TBXA2R: variants seen among roughly 807,000 people sequenced by gnomAD.
TBXA2R encodes the protein thromboxane A2 receptor, also known as prostanoid TP receptor.
A neutral mutation model predicts 15.6 loss-of-function variants in TBXA2R; 15 were observed. The ratio of observed to expected loss-of-function variants is 0.96; its 90% CI spans 0.64 to 1.48. The LOEUF is 1.48. Ranked by LOEUF, TBXA2R falls within the 40% of genes most tolerant of loss-of-function variation. TBXA2R has a pLI of 0.00. For synonymous variants in TBXA2R, 280 were observed against 241.2 expected (o/e 1.16, Z -1.49); for missense variants, 506 against 491.4 (o/e 1.03, Z -0.28).
At chr19:3,605,920 C>T (rs116020452) in intron 1 of TBXA2R, among the ~76,000 whole-genome samples, 1 of 142,224 alleles carries the variant, frequency 7.0e-6, no homozygotes, top group Admixed American at 6.9e-5. Context: ...CACACAGATA[C>T]ACACATAGGC....
chr19:3,600,253 A>G lies in TBXA2R; in HGVS notation c.382T>C (p.Ser128Pro). ...CGGGTGATACCCAGGTAGCGCTCTG[A>G]GGCCATGGCGGCCCCCAGCAGCAGC... ...SPLLLGAAMA[S>P]ERYLGITRPF... Residue 128 changes from serine to proline, a missense_variant, in exon 2 of 3, where the codon TCA (serine) becomes CCA (proline). Coordinates refer to ENST00000375190, the MANE Select transcript of TBXA2R (RefSeq NM_001060.6). 2 of 1,612,088 alleles carry G rather than the reference A, an allele frequency of 1.2e-6. No individual in the cohort carries two copies. Among genetic ancestry groups the G allele is most frequent in the South Asian group, 1.1e-5 (1 of 91,074 alleles).
Position 3,600,578 on chromosome 19 carries a change from C to T in TBXA2R, c.57G>A (p.Leu19=). The part of the protein sequence containing the change: ...GPCFRPTNIT[L]EERRLIASPW... ...GCGAGGCGATCAGCCGTCTCTCCTC[C>T]AGGGTAATGTTTGTGGGCCGGAAAC... The change falls in exon 2 of 3, where the codon CTG becomes CTA. Residue 19 remains leucine, a synonymous_variant. Transcript: ENST00000375190. 1.2e-6 allele frequency: 2 copies of T among 1,612,472 alleles called. No homozygotes were observed. Among genetic ancestry groups the T allele is most frequent in the Non-Finnish European group, 1.7e-6 (2 of 1,179,468 alleles).
At chr19:3,604,093 C>A (rs568968460) in intron 1 of TBXA2R, among the ~76,000 whole-genome samples, 2 of 152,110 alleles carry the variant, frequency 1.3e-5, no homozygotes, top group African/African-American at 4.8e-5. Flanking sequence ...AATTCTAACA[C>A]GCTTCCAGTC....
Position 3,600,428 on chromosome 19 carries a change from G to T in TBXA2R, c.207C>A (p.Gly69=), listed in dbSNP as rs1368204245. 1.2e-6 allele frequency: 2 copies of T among 1,613,338 alleles called. No homozygotes were observed. Among genetic ancestry groups the T allele is most frequent in the East Asian group, 4.5e-5 (2 of 44,874 alleles). The change falls in exon 2 of 3, where the codon GGC becomes GGA. Residue 69 remains glycine, a synonymous_variant. Coordinates refer to ENST00000375190, the MANE Select transcript of TBXA2R (RefSeq NM_001060.6). ...TRSSFLTFLC[G]LVLTDFLGLL... The stretch of plus-strand genomic sequence containing the variant: ...GCCCCAGGAAGTCGGTGAGGACGAG[G>T]CCGCAGAGGAAGGTGAGGAAGGAGG...
In TBXA2R at chr19:3,595,637, A is replaced by G; in HGVS notation, c.*51T>C. 2 of 1,518,650 alleles carry G rather than the reference A, an allele frequency of 1.3e-6. No individual in the cohort carries two copies. Among genetic ancestry groups the G allele is most frequent in the African/African-American group, 1.4e-5 (1 of 73,186 alleles). 94.1% of individuals were successfully genotyped at this position (1,518,650 alleles called of 1,614,324 possible). On this transcript the variant is annotated 3_prime_UTR_variant, in exon 3 of 3. Transcript: ENST00000375190. ...TCAGAACAGGCAGATGGGCTGTCCG[A>G]GGGGCCAAGGGCTCCGCGGAAAGGC...
intron 2 of TBXA2R, among the ~76,000 whole-genome samples, chr19:3,598,859 G>A (rs141763987): frequency 0.019 from 2,866 of 152,036 alleles, 84 homozygotes; most frequent in African/African-American, 0.066. Flanking sequence ...TAGTAGAGAC[G>A]GGGTTTCACC....
At position 3,594,941 on chromosome 19, in the gene TBXA2R, G is replaced by A. The variant is rs201478687; in HGVS notation, c.*747C>T. 108 of 1,536,150 alleles carry A rather than the reference G, an allele frequency of 7.0e-5. No homozygotes were observed. The highest frequency in any genetic ancestry group is 6.9e-4 in the South Asian group (58 of 84,064). ...GGTCAAAGAGCATGCAAGGCCGGGC[G>A]CAGTGGCTTACGCCTGTAATCCCAG... On this transcript the variant is annotated 3_prime_UTR_variant, in exon 3 of 3. Coordinates refer to ENST00000375190, the MANE Select transcript of TBXA2R (RefSeq NM_001060.6).
chr19:3,605,601 T>C (rs1203757875), intron 1 of TBXA2R, among the ~76,000 whole-genome samples: 1 of 134,224 alleles, frequency 7.5e-6, no homozygotes, highest in Non-Finnish European at 1.6e-5. Context: ...CACACACAGA[T>C]AGACACACAC....
Position 3,599,955 on chromosome 19 carries a change from T to C in TBXA2R, c.680A>G (p.His227Arg), listed in dbSNP as rs1454118992. 6.3e-7 allele frequency: 1 copy of C among 1,576,898 alleles called. No individual in the cohort carries two copies. The highest frequency in any genetic ancestry group is 8.6e-7 in the Non-Finnish European group (1 of 1,162,856). Residue 227 changes from histidine to arginine, a missense_variant, in exon 2 of 3, where the codon CAC becomes CGC. By Grantham distance (29) the His-to-Arg change is conservative (BLOSUM62 0). Coordinates refer to ENST00000375190, the MANE Select transcript of TBXA2R (RefSeq NM_001060.6). ...VSVATLCHVY[H>R]GQEAAQQRPR... ...ACGCTGCTGGGCCGCCTCCTGCCCG[T>C]GGTAGACGTGGCACAGGGTGGCCAC...
Position 3,595,007 on chromosome 19 carries a change from G to T in TBXA2R, c.*681C>A. The T allele has an allele frequency of 6.8e-7, 1 of 1,480,016 alleles. No homozygotes were observed. The highest frequency in any genetic ancestry group is 1.2e-5 in the South Asian group (1 of 82,794). 91.7% of individuals were successfully genotyped at this position (1,480,016 alleles called of 1,614,324 possible). A position where few individuals can be genotyped will look rare whatever the true frequency, so the allele number is the denominator to read the frequency against. ...AGGCACGAGAATCGCTTGAACCCGG[G>T]AGGCGGAGGTTGCAGTGAGCCGAGA... On this transcript the variant is annotated 3_prime_UTR_variant, in exon 3 of 3. Coordinates refer to ENST00000375190, the MANE Select transcript of TBXA2R (RefSeq NM_001060.6).
At chr19:3,597,076 AT>A (rs1438222226) in intron 2 of TBXA2R, among the ~76,000 whole-genome samples, 2 of 151,140 alleles carry the variant, frequency 1.3e-5, no homozygotes. Context: ...AGTAGCTGGG[AT>A]TACAGGCATG....
At chr19:3,600,846 T>TTTTTTTG (rs2032724720) in intron 1 of TBXA2R, 129 bp from the exon 2 acceptor site, 1 of 586,218 alleles carries the variant, frequency 1.7e-6, no homozygotes, top group Admixed American at 3.1e-5. Flanking sequence ...TTTTTTTTTT[T>TTTTTTTG]GAGACAGAGT....
rs769175847 is a variant in TBXA2R, at chr19:3,600,403, GCC to G, written c.230_231del (p.Gly77AlafsTer313). ...ACCACGATGGTACCGGTCACCAGCAGCCCCAGGAAGTCGGTGAGGACGAGGCC... is the reference window on the plus strand; with the variant it reads ...ACCACGATGGTACCGGTCACCAGCAGCCAGGAAGTCGGTGAGGACGAGGCC... The part of the protein sequence containing the change: ...LCGLVLTDFL[G>X]LLVTGTIVVS... On this transcript the variant is annotated frameshift_variant, in exon 2 of 3. Coordinates refer to ENST00000375190, the MANE Select transcript of TBXA2R (RefSeq NM_001060.6). LOFTEE classifies it high-confidence loss of function. The G allele has an allele frequency of 3.1e-6, 5 of 1,613,394 alleles. No individual in the cohort carries two copies. The African/African-American group carries it at 6.7e-5, about 22-fold the overall frequency.
At position 3,599,831 on chromosome 19, in the gene TBXA2R, C is replaced by G. The variant is rs199995921; in HGVS notation, c.786+18G>C. The G allele has an allele frequency of 1.9e-6, 3 of 1,548,678 alleles. No homozygotes were observed. Among genetic ancestry groups the G allele is most frequent in the Admixed American group, 2.0e-5 (1 of 50,970 alleles). On this transcript the variant is annotated intron_variant, in intron 2 of 2. Coordinates refer to ENST00000375190, the MANE Select transcript of TBXA2R (RefSeq NM_001060.6). ...TCCAGTCAGGAGGGTAGCAGGACCC[C>G]GCAGAGCCCCTACTCACCAGAAGGG...
Position 3,599,975 on chromosome 19 carries a change from G to A in TBXA2R, c.660C>T (p.Ala220=). Residue 220 remains alanine (A), a synonymous_variant, in exon 2 of 3, where the codon GCC becomes GCT. Coordinates refer to ENST00000375190, the MANE Select transcript of TBXA2R (RefSeq NM_001060.6). The stretch of plus-strand genomic sequence containing the variant: ...GCCCGTGGTAGACGTGGCACAGGGT[G>A]GCCACGCTGACCGTGTTCAGCAGGA... ...LSFLLNTVSV[A]TLCHVYHGQE... is the part of the protein sequence containing the mutation. 6.3e-7 allele frequency: 1 copy of A among 1,596,998 alleles called. No individual in the cohort carries two copies. Among genetic ancestry groups the A allele is most frequent in the Non-Finnish European group, 8.5e-7 (1 of 1,172,846 alleles).
Position 3,595,977 on chromosome 19 carries a change from C to G in TBXA2R, c.787-44G>C, listed in dbSNP as rs959252748. The G allele has an allele frequency of 2.6e-6, 4 of 1,556,350 alleles. No homozygotes were observed. In the African/African-American group the frequency reaches 5.4e-5, roughly 21 times the overall value. ...TCAGCCTGGGCCCCCGCCTCCAGCC[C>G]CGCCCGCCCCGGTCCCTGCCCGGGG... On this transcript the variant is annotated intron_variant, in intron 2 of 2. Transcript: ENST00000375190.
rs2032564561 is a variant in TBXA2R, at chr19:3,594,925, G to A, written c.*763C>T. On this transcript the variant is annotated 3_prime_UTR_variant, in exon 3 of 3. Coordinates refer to ENST00000375190, the MANE Select transcript of TBXA2R (RefSeq NM_001060.6). ...AGTAGGTCAAATTCAGGGTCAAAGAGCATGCAAGGCCGGGCGCAGTGGCTT... is the reference window on the plus strand; with the variant it reads ...AGTAGGTCAAATTCAGGGTCAAAGAACATGCAAGGCCGGGCGCAGTGGCTT... 1.3e-6 allele frequency: 2 copies of A among 1,536,536 alleles called. No homozygotes were observed. The highest frequency in any genetic ancestry group is 1.7e-6 in the Non-Finnish European group (2 of 1,146,844).
chr19:3,595,667 G>C lies in TBXA2R; in HGVS notation c.*21C>G. 6.4e-7 allele frequency: 1 copy of C among 1,561,968 alleles called. No homozygotes were observed. The highest frequency in any genetic ancestry group is 8.7e-7 in the Non-Finnish European group (1 of 1,151,994). ...CCAAGGGCTCCGCGGAAAGGCGCGG[G>C]AGGGGCGCTCTGTCCACTTCCTACT... On this transcript the variant is annotated 3_prime_UTR_variant, in exon 3 of 3. Transcript: ENST00000375190.
At chr19:3,604,303 C>G (rs1180858974) in intron 1 of TBXA2R, among the ~76,000 whole-genome samples, 1 of 152,168 alleles carries the variant, frequency 6.6e-6, no homozygotes, top group Non-Finnish European at 1.5e-5. Context: ...ACAGGGTATC[C>G]GGCTTGCAGG....
Sources: gnomAD v4.1 joint callset for allele counts (sites outside exome capture counted in the v4.1 genomes callset) on GRCh38, gnomAD v4.1.1 for gene constraint, MANE v1.5 for transcripts, NCBI Gene and HGNC (gene_info 2026-07-23, HGNC 2026-07-21) for gene names.